PEMT: variants seen among roughly 807,000 people sequenced by gnomAD.
PEMT encodes the protein phosphatidylethanolamine N-methyltransferase, also known as phospholipid methyltransferase.
In PEMT, 23 loss-of-function variants were observed where a neutral mutation model predicts 27.4. The ratio of observed to expected loss-of-function variants is 0.84; its 90% CI spans 0.60 to 1.19. The LOEUF (loss-of-function observed/expected upper bound fraction) is 1.19, where lower values mean the gene tolerates loss of function less well. PEMT is among the 50% of genes most tolerant of loss of function. The pLI is 0.00. For synonymous variants in PEMT, 137 were observed against 139.1 expected (o/e 0.98, Z 0.11); for missense variants, 307 against 310.1 (o/e 0.99, Z 0.07).
intron 2 of PEMT, among the ~76,000 whole-genome samples, chr17:17,569,857 G>C (rs1911068455): frequency 1.3e-5 from 2 of 152,216 alleles, no homozygotes; most frequent in African/African-American, 2.4e-5. Flanking sequence ...GGGCATGGCA[G>C]GGCAGGGCAA....
chr17:17,535,118 C>G (rs543668364), intron 2 of PEMT, among the ~76,000 whole-genome samples: 1 of 151,758 alleles, frequency 6.6e-6, no homozygotes, highest in African/African-American at 2.4e-5. Flanking sequence ...CCATGTTGGC[C>G]AGGCTGGTCT....
At chr17:17,579,743 C>T (rs1184790067) in intron 1 of PEMT, among the ~76,000 whole-genome samples, 1 of 152,186 alleles carries the variant, frequency 6.6e-6, no homozygotes, top group Non-Finnish European at 1.5e-5. Context: ...TGACATAGGA[C>T]CAAAGGTGCA....
intron 2 of PEMT, among the ~76,000 whole-genome samples, chr17:17,548,555 C>G (rs911758749): frequency 4.7e-5 from 7 of 149,674 alleles, no homozygotes; most frequent in African/African-American, 1.7e-4. Context: ...GAGCACAGGT[C>G]TTTTTTTTTT....
rs11871593 is a variant in PEMT, at chr17:17,573,997, G to A, written c.204+2923C>T. Among the ~76,000 whole-genome samples the A allele has an allele frequency of 3.8e-3, 575 of 152,020 alleles. 2 individuals carry two copies. The highest frequency in any genetic ancestry group is 6.9e-3 in the Non-Finnish European group (467 of 67,976). On this transcript the variant is annotated intron_variant, in intron 2 of 6. Coordinates refer to ENST00000255389, the MANE Select transcript of PEMT (RefSeq NM_148172.3). ...GGGTTTTGCCATGTTCCCCAGGATG[G>A]TCTCCAACTCCTTGGCTCAACTGAT...
intron 2 of PEMT, among the ~76,000 whole-genome samples, chr17:17,554,448 G>A (rs1567718157): frequency 2.6e-5 from 4 of 152,218 alleles, no homozygotes; most frequent in African/African-American, 9.7e-5. Context: ...GGAAGGCAGA[G>A]TGCGCGGCCA....
At chr17:17,507,269 G>A (rs911498651) in intron 5 of PEMT, 3 of 1,303,886 alleles carry the variant, frequency 2.3e-6, no homozygotes, top group East Asian at 2.5e-5. Context: ...TGTCTGGCGG[G>A]CACAGAGGGC....
intron 2 of PEMT, among the ~76,000 whole-genome samples, chr17:17,548,773 G>T (rs1909436382): frequency 6.6e-6 from 1 of 152,208 alleles, no homozygotes; most frequent in African/African-American, 2.4e-5. Context: ...TTGAACTCCT[G>T]ACCTCAGGTG....
intron 2 of PEMT, among the ~76,000 whole-genome samples, chr17:17,551,271 C>G (rs749350404): frequency 6.6e-5 from 10 of 152,242 alleles, no homozygotes; most frequent in Non-Finnish European, 7.3e-5. Flanking sequence ...TCAAGGGGCA[C>G]ATTGTCACTA....
rs547153605 is a variant in PEMT, at chr17:17,547,906, G to A, written c.205-25511C>T. 1.4e-4 allele frequency among the ~76,000 whole-genome samples: 21 copies of A among 152,344 alleles called. No individual in the cohort carries two copies. The South Asian group carries it at 4.4e-3, about 32-fold the overall frequency. On this transcript the variant is annotated intron_variant, in intron 2 of 6. Coordinates refer to ENST00000255389, the MANE Select transcript of PEMT (RefSeq NM_148172.3). ...ATCACAACTGAATTCTGTGGGAAAT[G>A]TGAAGATGGAGAAGCCAGAAGGAAG...
intron 5 of PEMT, among the ~76,000 whole-genome samples, chr17:17,506,622 C>A (rs1010674192): frequency 6.6e-6 from 1 of 152,226 alleles, no homozygotes; most frequent in African/African-American, 2.4e-5. Flanking sequence ...CAGCCCCAGG[C>A]GGAAGAGTCC....
At chr17:17,510,277 C>A (rs747215610) in intron 4 of PEMT, among the ~76,000 whole-genome samples, 6 of 152,196 alleles carry the variant, frequency 3.9e-5, no homozygotes, top group Admixed American at 3.9e-4. Flanking sequence ...AGGGAGTGGC[C>A]GGGGTCACAG....
At chr17:17,527,483 C>T (rs1464233718) in intron 2 of PEMT, among the ~76,000 whole-genome samples, 1 of 152,250 alleles carries the variant, frequency 6.6e-6, no homozygotes, top group Non-Finnish European at 1.5e-5. Context: ...ACCGGCTCCT[C>T]TACTTGCAGC....
At chr17:17,529,301 A>C (rs980763135) in intron 2 of PEMT, among the ~76,000 whole-genome samples, 41 of 152,194 alleles carry the variant, frequency 2.7e-4, no homozygotes, top group African/African-American at 9.4e-4. Flanking sequence ...ATCTGCCCCA[A>C]TCTGGCCAGT....
At chr17:17,535,521 C>T (rs530229648) in intron 2 of PEMT, among the ~76,000 whole-genome samples, 6 of 151,258 alleles carry the variant, frequency 4.0e-5, no homozygotes, top group Admixed American at 2.0e-4. Flanking sequence ...GCTGAGATCG[C>T]GCCACTGCAC....
intron 3 of PEMT, among the ~76,000 whole-genome samples, chr17:17,515,503 T>C (rs1372651406): frequency 6.6e-6 from 1 of 152,186 alleles, no homozygotes; most frequent in Non-Finnish European, 1.5e-5. Flanking sequence ...GGCTGGCTCC[T>C]GGCACAATGC....
intron 2 of PEMT, among the ~76,000 whole-genome samples, chr17:17,565,460 G>A (rs982237857): frequency 3.3e-5 from 5 of 152,258 alleles, no homozygotes; most frequent in Admixed American, 6.5e-5. Flanking sequence ...TCTGAACCGG[G>A]AGGCCCAGTG....
chr17:17,582,243 G>A lies in PEMT; in HGVS notation c.97-5216C>T, dbSNP rs1457080765. ...CCAGGTTGCAGAGGCCTCGGAATCTGACTAAAGGAAAGGAGCTACCCACCA... is the reference window on the plus strand; with the variant it reads ...CCAGGTTGCAGAGGCCTCGGAATCTAACTAAAGGAAAGGAGCTACCCACCA... On this transcript the variant is annotated intron_variant, in intron 1 of 6. Transcript: ENST00000255389. This position sits in a 1 kb window ranked among gnomAD's most constrained non-coding sequence, Gnocchi z 4.9. 1 of 984,978 alleles carries A rather than the reference G, an allele frequency of 1.0e-6. No homozygotes were observed. Among genetic ancestry groups the A allele is most frequent in the African/African-American group, 1.7e-5 (1 of 57,218 alleles). The allele number at this position is 984,978 out of a possible 1,614,324, so 61.0% of individuals were successfully genotyped here. A position where few individuals can be genotyped will look rare whatever the true frequency, so the allele number is the denominator to read the frequency against.
intron 6 of PEMT, 43 bp downstream of exon 6, chr17:17,506,184 C>G: frequency 7.0e-7 from 1 of 1,427,268 alleles, no homozygotes; most frequent in Non-Finnish European, 9.6e-7. Flanking sequence ...GAGACAGGGC[C>G]AGTCGGGCAG....
intron 1 of PEMT, among the ~76,000 whole-genome samples, chr17:17,585,765 C>T (rs1912208397): frequency 6.6e-6 from 1 of 151,874 alleles, no homozygotes; most frequent in Admixed American, 6.6e-5. Context: ...AAAATCAGTA[C>T]TTTTGAATGG....
Sources: allele counts gnomAD v4.1 joint callset (sites outside exome capture counted in the v4.1 genomes callset), GRCh38; gene constraint gnomAD v4.1.1; non-coding constraint Gnocchi (gnomAD v3.1); transcripts MANE v1.5; gene names NCBI Gene and HGNC (gene_info 2026-07-23, HGNC 2026-07-21).